CTNNA3: variants seen among roughly 807,000 people sequenced by gnomAD.
The protein encoded by CTNNA3 is catenin alpha 3.
Under a neutral mutation model 95.7 loss-of-function variants are expected in CTNNA3, and 76 were observed. The observed-to-expected ratio is 0.79, with a 90% CI of 0.66 to 0.96. CTNNA3 has a LOEUF of 0.96. Ranked by LOEUF, CTNNA3 falls within the 40% of genes least tolerant of loss-of-function variation. The probability of loss-of-function intolerance (pLI) is 0.00; values close to 1 mark genes in which losing one functional copy is unlikely to be tolerated. For missense variants in CTNNA3, 1,191 were observed against 1,089.8 expected, an observed-to-expected ratio of 1.09 and a Z score of -1.31; for synonymous variants, 431 against 374.4, an observed-to-expected ratio of 1.15 and a Z score of -1.74.
intron 7 of CTNNA3, among the ~76,000 whole-genome samples, chr10:66,806,756 ATGTGTGTGTGTGTGTG>A (rs57749652): frequency 1.9e-4 from 28 of 145,834 alleles, no homozygotes; most frequent in South Asian, 6.6e-4. Flanking sequence ...TGTGGCATAT[ATGTGTGTGTGTGTGTG>A]TGTGTGTGTG....
In CTNNA3 at chr10:65,931,037, C is replaced by T. The variant is rs187313287; in HGVS notation, c.2401-10420G>A. 2.6e-5 allele frequency among the ~76,000 whole-genome samples: 4 copies of T among 152,148 alleles called. No homozygotes were observed. In the East Asian group the frequency reaches 5.8e-4, roughly 22 times the overall value. ...TTTTTGAAATACAGCTGAAGTTTTG[C>T]CACATGTTGAAAATTTCCTTCATGA... On this transcript the variant is annotated intron_variant, in intron 17 of 17. Coordinates refer to ENST00000433211, the MANE Select transcript of CTNNA3 (RefSeq NM_013266.4).
Position 67,539,578 on chromosome 10 carries a change from C to T in CTNNA3, c.384G>A (p.Leu128=), listed in dbSNP as rs767656928. 2 of 1,613,868 alleles carry T rather than the reference C, an allele frequency of 1.2e-6. No individual in the cohort carries two copies. The highest frequency in any genetic ancestry group is 3.3e-5 in the Admixed American group (2 of 59,994). Residue 128 remains leucine (L), a synonymous_variant, in exon 4 of 18, where the codon TTG becomes TTA. Coordinates refer to ENST00000433211, the MANE Select transcript of CTNNA3 (RefSeq NM_013266.4). ...REAVVQAARA[L]LAAVTRLLIL... ...TAAGGAGTCTCGTCACCGCAGCCAGCAAGGCACGGGCAGCTTGAACCACAG... is the reference window on the plus strand; with the variant it reads ...TAAGGAGTCTCGTCACCGCAGCCAGTAAGGCACGGGCAGCTTGAACCACAG...
At chr10:66,001,129 A>AT (rs2078761594) in intron 15 of CTNNA3, among the ~76,000 whole-genome samples, 1 of 152,114 alleles carries the variant, frequency 6.6e-6, no homozygotes, top group Non-Finnish European at 1.5e-5. Flanking sequence ...GTAAAATAAA[A>AT]AATATATATA....
chr10:67,174,390 G>C (rs1014856457), intron 7 of CTNNA3, among the ~76,000 whole-genome samples: 2 of 152,080 alleles, frequency 1.3e-5, no homozygotes, highest in Non-Finnish European at 2.9e-5. Context: ...CACTGCACAA[G>C]CTCCTCTTAA....
chr10:67,567,482 C>T (rs1007479240), intron 3 of CTNNA3, among the ~76,000 whole-genome samples: 2 of 152,098 alleles, frequency 1.3e-5, no homozygotes, highest in African/African-American at 4.8e-5. Context: ...TTGGTTAATG[C>T]GTACAATGTA....
At chr10:67,284,605 A>G (rs1839522027) in intron 5 of CTNNA3, among the ~76,000 whole-genome samples, 1 of 152,216 alleles carries the variant, frequency 6.6e-6, no homozygotes, top group Admixed American at 6.6e-5. Context: ...AAGTCTAATT[A>G]AAAAGGTATT....
intron 1 of CTNNA3, among the ~76,000 whole-genome samples, chr10:67,762,136 G>T (rs576648527): frequency 1.7e-5 from 2 of 120,412 alleles, no homozygotes; most frequent in South Asian, 2.7e-4. Context: ...GGGGCGGGGG[G>T]AATCAACAAT....
At chr10:66,589,005 G>T (rs1359492825) in intron 10 of CTNNA3, among the ~76,000 whole-genome samples, 1 of 152,178 alleles carries the variant, frequency 6.6e-6, no homozygotes, top group South Asian at 2.1e-4. Context: ...AAATACATTT[G>T]TTAACTCAGG....
intron 13 of CTNNA3, among the ~76,000 whole-genome samples, chr10:66,137,377 G>A (rs2083408201): frequency 6.6e-6 from 1 of 152,002 alleles, no homozygotes; most frequent in Non-Finnish European, 1.5e-5. Context: ...TAAATGTCAT[G>A]GAATACCAAA....
At chr10:66,416,617 A>G (rs569259607) in intron 11 of CTNNA3, among the ~76,000 whole-genome samples, 1 of 152,100 alleles carries the variant, frequency 6.6e-6, no homozygotes, top group South Asian at 2.1e-4. Flanking sequence ...GAGAAAATTT[A>G]TCAGTAGAAA....
chr10:67,636,772 A>G (rs1839328894), intron 2 of CTNNA3, among the ~76,000 whole-genome samples: 1 of 152,202 alleles, frequency 6.6e-6, no homozygotes, highest in Admixed American at 6.5e-5. Context: ...GTGGACCTCC[A>G]GCAAACTCCA....
chr10:66,720,023 AT>A (rs34966897), intron 9 of CTNNA3, among the ~76,000 whole-genome samples: 3,670 of 152,260 alleles, frequency 0.024, 186 homozygotes, highest in East Asian at 0.22. Context: ...CCTAACTTAC[AT>A]GTATGAATGC....
At chr10:67,127,686 T>A (rs965969013) in intron 7 of CTNNA3, among the ~76,000 whole-genome samples, 1 of 152,192 alleles carries the variant, frequency 6.6e-6, no homozygotes, top group Non-Finnish European at 1.5e-5. Flanking sequence ...TCTAGGTACA[T>A]CTGTACCAGG....
chr10:67,552,983 C>T (rs979415430), intron 3 of CTNNA3, among the ~76,000 whole-genome samples: 4 of 152,062 alleles, frequency 2.6e-5, no homozygotes, highest in South Asian at 2.1e-4. Flanking sequence ...TTTTTAACCC[C>T]GTTTTTTTAC....
intron 10 of CTNNA3, among the ~76,000 whole-genome samples, chr10:66,610,613 T>G (rs1844295163): frequency 6.6e-6 from 1 of 152,054 alleles, no homozygotes. Flanking sequence ...TAGCTATTAT[T>G]AAAAGGACAA....
At chr10:66,179,014 C>T (rs895088640) in intron 13 of CTNNA3, among the ~76,000 whole-genome samples, 1 of 151,924 alleles carries the variant, frequency 6.6e-6, no homozygotes, top group African/African-American at 2.4e-5. Context: ...AAAAACTAAC[C>T]ATGCAACTAT....
intron 5 of CTNNA3, among the ~76,000 whole-genome samples, chr10:67,444,168 T>C (rs527456066): frequency 6.6e-6 from 1 of 152,234 alleles, no homozygotes; most frequent in South Asian, 2.1e-4. Flanking sequence ...CTTAAGATAT[T>C]CAAGAAATTA....
At chr10:66,655,458 A>G (rs919912299) in intron 9 of CTNNA3, among the ~76,000 whole-genome samples, 4 of 152,108 alleles carry the variant, frequency 2.6e-5, no homozygotes, top group African/African-American at 9.6e-5. Flanking sequence ...AGAAATTATA[A>G]TTATTAAAAT....
At chr10:67,032,937 T>A (rs1295096190) in intron 7 of CTNNA3, among the ~76,000 whole-genome samples, 1 of 152,190 alleles carries the variant, frequency 6.6e-6, no homozygotes, top group South Asian at 2.1e-4. Flanking sequence ...CACCATGGAA[T>A]CTGAAGTGAT....
Sources: allele counts gnomAD v4.1 joint callset (sites outside exome capture counted in the v4.1 genomes callset), GRCh38; gene constraint gnomAD v4.1.1; transcripts MANE v1.5; gene names NCBI Gene and HGNC (gene_info 2026-07-23, HGNC 2026-07-21).